The following TULP3 variants were observed in gnomAD, a reference collection of about 807,000 sequenced individuals.
TULP3 encodes the protein TUB like protein 3.
In TULP3, 38 loss-of-function variants were observed where a neutral mutation model predicts 50.7. The ratio of observed to expected loss-of-function variants is 0.75; its 90% confidence interval spans 0.58 to 0.98. The LOEUF (loss-of-function observed/expected upper bound fraction) is 0.98. Among genes scored for constraint, TULP3 ranks in the 50% least tolerant of loss-of-function variants. The probability of loss-of-function intolerance (pLI) is 0.00; values close to 1 mark genes in which losing one functional copy is unlikely to be tolerated. For missense variants in TULP3, 550 were observed against 568.0 expected, an observed-to-expected ratio of 0.97 and a Z score of 0.32; for synonymous variants, 183 against 196.6, an observed-to-expected ratio of 0.93 and a Z score of 0.58.
At chr12:2,909,478 A>T in intron 1 of TULP3, 51 bp from the exon 2 acceptor site, 5 of 1,518,522 alleles carry the variant, frequency 3.3e-6, no homozygotes, top group Non-Finnish European at 4.5e-6. Context: ...GATGAAATTG[A>T]CAAGGCGTTT....
Position 2,914,125 on chromosome 12 carries a change from C to CTTTTTTT in TULP3, c.93+4555_93+4561dup, listed in dbSNP as rs71057862. 9.9e-5 allele frequency among the ~76,000 whole-genome samples: 13 copies of CTTTTTTT among 130,660 alleles called. 1 individual carries two copies. The highest frequency in any genetic ancestry group is 2.9e-4 in the African/African-American group (10 of 34,018). 85.7% of individuals were successfully genotyped at this position (130,660 alleles called of 152,430 possible). On this transcript the variant is annotated intron_variant, in intron 2 of 10. Transcript: ENST00000448120. ...ATTTTGAAATATACAATAAATAATTCTTTTTTTTTTTTTTTTGAGACGGAG... is the reference window on the plus strand; with the variant it reads ...ATTTTGAAATATACAATAAATAATTCTTTTTTTTTTTTTTTTTTTTTTTGAGACGGAG...
At chr12:2,935,622 C>T (rs1400025780) in intron 8 of TULP3, among the ~76,000 whole-genome samples, 1 of 152,112 alleles carries the variant, frequency 6.6e-6, no homozygotes, top group African/African-American at 2.4e-5. Flanking sequence ...TGCCTGAGAA[C>T]CATTTGACTT....
rs747904857 is a variant in TULP3 at position 2,930,374 on chromosome 12, G to A, written c.492+29G>A. The A allele has an allele frequency of 7.7e-6, 11 of 1,422,872 alleles. No homozygotes were observed. In the East Asian group the frequency reaches 2.3e-4, roughly 30 times the overall value. 88.1% of individuals were successfully genotyped at this position (1,422,872 alleles called of 1,614,324 possible). Reference sequence around the variant, plus strand: ...TGTAGTTCTGAAACTTCTTCCATTAGAGCTAATTTGACTCTTTCTCAAACA... The same window carrying A: ...TGTAGTTCTGAAACTTCTTCCATTAAAGCTAATTTGACTCTTTCTCAAACA... On this transcript the variant is annotated intron_variant, in intron 5 of 10. Transcript: ENST00000448120.
intron 1 of TULP3, among the ~76,000 whole-genome samples, chr12:2,897,036 T>C (rs10744580): frequency 0.48 from 72,411 of 151,828 alleles, 17,715 homozygotes; most frequent in African/African-American, 0.59. Context: ...TTTTTTGGAG[T>C]CTCGCTCTGT....
chr12:2,892,830 G>A (rs2098172984), intron 1 of TULP3, among the ~76,000 whole-genome samples: 1 of 151,266 alleles, frequency 6.6e-6, no homozygotes, highest in African/African-American at 2.4e-5. Flanking sequence ...TCTTCCGAAA[G>A]AAACTAGCTC....
At chr12:2,912,780 G>A (rs1788741718) in intron 2 of TULP3, among the ~76,000 whole-genome samples, 2 of 152,106 alleles carry the variant, frequency 1.3e-5, no homozygotes, top group Admixed American at 6.6e-5. Context: ...TGGTATATTC[G>A]AAATCAGAGC....
rs925231610 is a variant in TULP3, at chr12:2,940,803, A to G, written c.*1359A>G. On this transcript the variant is annotated 3_prime_UTR_variant, in exon 11 of 11. Coordinates refer to ENST00000448120, the MANE Select transcript of TULP3 (RefSeq NM_003324.5). ...GTCCCACCTGCTGGGTGAGGACGAG[A>G]CTGTTTCCATCTCAGGCATGTATCC... 6.3e-5 allele frequency: 84 copies of G among 1,325,942 alleles called. No individual in the cohort carries two copies. The highest frequency in any genetic ancestry group is 8.2e-5 in the Non-Finnish European group (80 of 969,908). 82.1% of individuals were successfully genotyped at this position (1,325,942 alleles called of 1,614,324 possible).
intron 1 of TULP3, among the ~76,000 whole-genome samples, chr12:2,908,542 C>T (rs764530685): frequency 2.0e-5 from 3 of 152,098 alleles, no homozygotes; most frequent in Non-Finnish European, 4.4e-5. Context: ...TCTCCTGCCT[C>T]AGTTCCTGAA....
intron 5 of TULP3, 41 bp downstream of exon 5, chr12:2,930,386 C>T: frequency 1.5e-6 from 2 of 1,312,120 alleles, no homozygotes; most frequent in Non-Finnish European, 2.2e-6. Flanking sequence ...GCTAATTTGA[C>T]TCTTTCTCAA....
At chr12:2,925,857 C>T (rs759676304) in intron 4 of TULP3, among the ~76,000 whole-genome samples, 1 of 152,230 alleles carries the variant, frequency 6.6e-6, no homozygotes, top group Non-Finnish European at 1.5e-5. Flanking sequence ...AAACACCACA[C>T]TGTCTCCTTG....
At position 2,918,615 on chromosome 12, in the gene TULP3, G is replaced by A. The variant is rs539679638; in HGVS notation, c.94-2148G>A. 1.6e-4 allele frequency among the ~76,000 whole-genome samples: 24 copies of A among 151,054 alleles called. 1 individual carries two copies. Among genetic ancestry groups the A allele is most frequent in the Admixed American group, 6.6e-5 (1 of 15,166 alleles). On this transcript the variant is annotated intron_variant, in intron 2 of 10. Coordinates refer to ENST00000448120, the MANE Select transcript of TULP3 (RefSeq NM_003324.5). ...GAGTGCAGGGGCATAATCTCAGCTC[G>A]CCGCAACCTCCGCCTCCCAGGCTCA...
chr12:2,933,657 G>GAAA, intron 7 of TULP3, 127 bp downstream of exon 7: 8 of 397,414 alleles, frequency 2.0e-5, no homozygotes, highest in South Asian at 5.2e-5. Context: ...AAAGAAAAAG[G>GAAA]AAAAAAAAAA....
intron 1 of TULP3, among the ~76,000 whole-genome samples, chr12:2,901,293 TTTC>T (rs1405297670): frequency 7.3e-4 from 103 of 140,844 alleles, no homozygotes; most frequent in Admixed American, 1.8e-3. Flanking sequence ...TGATTTTTTT[TTTC>T]TTTCTTTCTT....
At chr12:2,935,039 T>C (rs2098200303) in intron 8 of TULP3, among the ~76,000 whole-genome samples, 1 of 152,182 alleles carries the variant, frequency 6.6e-6, no homozygotes, top group African/African-American at 2.4e-5. Context: ...GCTTGAGAAC[T>C]ATCTAGCTCG....
intron 4 of TULP3, among the ~76,000 whole-genome samples, chr12:2,924,961 A>G (rs2098193868): frequency 6.6e-6 from 1 of 152,176 alleles, no homozygotes; most frequent in African/African-American, 2.4e-5. Context: ...GCGGATCACA[A>G]GGTCAGGAGA....
chr12:2,938,385 G>A, intron 10 of TULP3, 100 bp downstream of exon 10: 2 of 1,310,370 alleles, frequency 1.5e-6, no homozygotes, highest in Non-Finnish European at 2.1e-6. Flanking sequence ...ACAGTCAGCA[G>A]ATAATCATGG....
intron 1 of TULP3, among the ~76,000 whole-genome samples, chr12:2,908,664 C>A (rs906418562): frequency 2.0e-5 from 3 of 152,158 alleles, no homozygotes; most frequent in Admixed American, 6.5e-5. Context: ...TTGTGATCCA[C>A]CTGCCTTGAC....
At chr12:2,912,129 C>T (rs1166307534) in intron 2 of TULP3, among the ~76,000 whole-genome samples, 1 of 152,134 alleles carries the variant, frequency 6.6e-6, no homozygotes, top group Non-Finnish European at 1.5e-5. Flanking sequence ...ATGAAGAAAA[C>T]ATTGGGCTGG....
intron 2 of TULP3, among the ~76,000 whole-genome samples, chr12:2,914,706 C>T (rs1450627055): frequency 1.3e-5 from 2 of 152,066 alleles, no homozygotes; most frequent in African/African-American, 2.4e-5. Flanking sequence ...AATCTTGGCT[C>T]ACTGCAACCT....
Sources: gnomAD v4.1 joint callset for allele counts (sites outside exome capture counted in the v4.1 genomes callset) on GRCh38, gnomAD v4.1.1 for gene constraint, MANE v1.5 for transcripts, NCBI Gene and HGNC (gene_info 2026-07-23, HGNC 2026-07-21) for gene names.